UQCC1: variants seen among roughly 807,000 people sequenced by gnomAD.
UQCC1 encodes the protein ubiquinol-cytochrome c reductase complex assembly factor 1.
A neutral mutation model predicts 48.0 loss-of-function variants in UQCC1; 38 were observed. That is an observed-to-expected ratio of 0.79 (90% CI 0.61 to 1.04). The LOEUF is 1.04. UQCC1 is among the 50% of genes least tolerant of loss of function. The pLI is 0.00. For synonymous variants in UQCC1, 111 were observed against 129.2 expected, an observed-to-expected ratio of 0.86 and a Z score of 0.95; for missense variants, 368 against 381.8, an observed-to-expected ratio of 0.96 and a Z score of 0.30.
At chr20:35,395,151 T>C (rs758766401) in intron 1 of UQCC1, among the ~76,000 whole-genome samples, 3 of 152,114 alleles carry the variant, frequency 2.0e-5, no homozygotes, top group Non-Finnish European at 2.9e-5. Flanking sequence ...GAGGCTTCAT[T>C]ACGTAGACAT....
intron 5 of UQCC1, among the ~76,000 whole-genome samples, chr20:35,372,681 CAT>C (rs1295059395): frequency 2.6e-5 from 4 of 152,170 alleles, no homozygotes; most frequent in Admixed American, 2.0e-4. Context: ...GCCTGGCCAA[CAT>C]AGCCAAACCC....
rs1191001732 is a variant in UQCC1, at chr20:35,409,514, A to G, written c.24+2426T>C. On this transcript the variant is annotated intron_variant, in intron 1 of 9. Coordinates refer to ENST00000374385, the MANE Select transcript of UQCC1 (RefSeq NM_018244.5). ...TTAAAAGGTAAATTTTGTTACATGTATTTTACCACAACTTTTTTTTAATTT... is the reference window on the plus strand; with the variant it reads ...TTAAAAGGTAAATTTTGTTACATGTGTTTTACCACAACTTTTTTTTAATTT... 9.4e-5 allele frequency: 16 copies of G among 170,472 alleles called. 1 individual carries two copies. In the Middle Eastern group the frequency reaches 7.5e-3, roughly 79 times the overall value. The allele number at this position is 170,472 out of a possible 1,614,324, so 10.6% of individuals were successfully genotyped here.
intron 8 of UQCC1, among the ~76,000 whole-genome samples, chr20:35,307,327 C>G (rs974392892): frequency 7.9e-5 from 12 of 152,184 alleles, no homozygotes; most frequent in African/African-American, 2.9e-4. Context: ...CTGGGCCCAG[C>G]CTCTCCCTAA....
chr20:35,347,380 A>G, intron 6 of UQCC1, 108 bp from the exon 7 acceptor site: 2 of 1,349,622 alleles, frequency 1.5e-6, no homozygotes, highest in Non-Finnish European at 2.1e-6. Flanking sequence ...AGGGCACCAA[A>G]TCAAACTGGA....
chr20:35,324,542 G>A lies in UQCC1; in HGVS notation c.574-9777C>T, dbSNP rs980613276. ...GGGGTTTCACCGTGTTAGCCAGGAT[G>A]GTCTCGATCTCCTGACCTTGTGATC... On this transcript the variant is annotated intron_variant, in intron 7 of 9. Coordinates refer to ENST00000374385, the MANE Select transcript of UQCC1 (RefSeq NM_018244.5). 1.6e-4 allele frequency among the ~76,000 whole-genome samples: 25 copies of A among 152,116 alleles called. 1 individual carries two copies. Among genetic ancestry groups the A allele is most frequent in the Non-Finnish European group, 2.9e-5 (2 of 68,024 alleles).
intron 2 of UQCC1, among the ~76,000 whole-genome samples, chr20:35,391,671 A>G (rs2062016203): frequency 6.6e-6 from 1 of 151,994 alleles, no homozygotes; most frequent in Non-Finnish European, 1.5e-5. Context: ...ATTGGAGACG[A>G]CTAAGAATAT....
intron 6 of UQCC1, among the ~76,000 whole-genome samples, chr20:35,348,948 C>G (rs369603148): frequency 6.6e-6 from 1 of 152,166 alleles, no homozygotes; most frequent in South Asian, 2.1e-4. Flanking sequence ...AGGCACCATG[C>G]CTGGCAGACT....
chr20:35,360,988 T>G (rs1283257344), intron 6 of UQCC1, among the ~76,000 whole-genome samples: 1 of 152,116 alleles, frequency 6.6e-6, no homozygotes, highest in African/African-American at 2.4e-5. Flanking sequence ...GTAAGTGGCC[T>G]GAGACAATTC....
At chr20:35,339,634 G>C (rs1275157591) in intron 7 of UQCC1, among the ~76,000 whole-genome samples, 1 of 152,122 alleles carries the variant, frequency 6.6e-6, no homozygotes, top group Non-Finnish European at 1.5e-5. Context: ...GAATGGGCTG[G>C]AGCCAGAACA....
intron 7 of UQCC1, chr20:35,346,868 C>T (rs1247223341): frequency 8.3e-6 from 7 of 841,446 alleles, no homozygotes; most frequent in Non-Finnish European, 1.3e-5. Context: ...TCATTTGATT[C>T]CCTCCATTCA....
intron 5 of UQCC1, among the ~76,000 whole-genome samples, chr20:35,371,614 G>A (rs1393883176): frequency 6.7e-6 from 1 of 149,388 alleles, no homozygotes; most frequent in Non-Finnish European, 1.5e-5. Context: ...TTACAGGCGT[G>A]AGCCACCGCG....
intron 2 of UQCC1, chr20:35,392,096 T>A (rs1021735218): frequency 2.2e-5 from 12 of 543,948 alleles, no homozygotes; most frequent in African/African-American, 5.8e-5. Flanking sequence ...CATACATTCA[T>A]CCTACCACTG....
intron 8 of UQCC1, 64 bp from the exon 9 acceptor site, chr20:35,306,843 G>A (rs1388488939): frequency 1.5e-6 from 2 of 1,293,268 alleles, no homozygotes; most frequent in East Asian, 4.6e-5. Context: ...CAGACGGTGG[G>A]GATACTATGA....
At chr20:35,327,711 T>C (rs560379045) in intron 7 of UQCC1, among the ~76,000 whole-genome samples, 110 of 152,222 alleles carry the variant, frequency 7.2e-4, no homozygotes, top group African/African-American at 2.5e-3. Flanking sequence ...TAAAATGGAA[T>C]TGACAGAGCC....
chr20:35,304,822 T>TG (rs2060910595), intron 9 of UQCC1, among the ~76,000 whole-genome samples: 1 of 152,184 alleles, frequency 6.6e-6, no homozygotes, highest in South Asian at 2.1e-4. Flanking sequence ...TCCACCACTC[T>TG]GGTTGCTTCC....
intron 4 of UQCC1, among the ~76,000 whole-genome samples, chr20:35,380,265 G>A (rs1382812258): frequency 2.0e-5 from 3 of 151,958 alleles, no homozygotes; most frequent in Non-Finnish European, 4.4e-5. Context: ...ATTATCAAGT[G>A]TCAAAAATTA....
chr20:35,401,219 C>T (rs954451480), intron 1 of UQCC1, among the ~76,000 whole-genome samples: 3 of 152,152 alleles, frequency 2.0e-5, no homozygotes, highest in Admixed American at 6.5e-5. Context: ...TTCATTAACA[C>T]GGAACTCACA....
At chr20:35,336,866 C>T (rs1397117483) in intron 7 of UQCC1, among the ~76,000 whole-genome samples, 2 of 152,130 alleles carry the variant, frequency 1.3e-5, no homozygotes, top group South Asian at 2.1e-4. Context: ...AAAGAAAGTG[C>T]TCAATAAATG....
chr20:35,378,272 C>A (rs1439007528), intron 4 of UQCC1, among the ~76,000 whole-genome samples: 1 of 152,112 alleles, frequency 6.6e-6, no homozygotes, highest in Non-Finnish European at 1.5e-5. Context: ...TAACATCCTA[C>A]AGGATGAAAA....
Sources: allele counts gnomAD v4.1 joint callset (sites outside exome capture counted in the v4.1 genomes callset), GRCh38; gene constraint gnomAD v4.1.1; transcripts MANE v1.5; gene names NCBI Gene and HGNC (gene_info 2026-07-23, HGNC 2026-07-21).